Variants in NFYB observed in about 807,000 individuals in gnomAD.
NFYB encodes the protein CAAT box DNA-binding protein subunit B.
A neutral mutation model predicts 28.0 loss-of-function variants in NFYB; 13 were observed. That is an observed-to-expected ratio of 0.46 (90% CI 0.30 to 0.74). The LOEUF (loss-of-function observed/expected upper bound fraction) is 0.74. Ranked by LOEUF, NFYB falls within the 30% of genes least tolerant of loss-of-function variation. The pLI is 0.07. For synonymous variants in NFYB, 74 were observed against 75.0 expected (o/e 0.99, Z 0.07); for missense variants, 142 against 247.6 (o/e 0.57, Z 2.86).
At chr12:104,121,205 A>C in intron 6 of NFYB, 35 bp downstream of exon 6, 1 of 1,521,562 alleles carries the variant, frequency 6.6e-7, no homozygotes, top group Non-Finnish European at 9.1e-7. Flanking sequence ...ATCATTGCTA[A>C]CAATCTACAT....
intron 1 of NFYB, among the ~76,000 whole-genome samples, chr12:104,136,344 A>G (rs1344082976): frequency 6.6e-6 from 1 of 152,196 alleles, no homozygotes; most frequent in Admixed American, 6.5e-5. Context: ...TTTTAAAGGG[A>G]GAAGATATAC....
intron 6 of NFYB, 124 bp from the exon 7 acceptor site, chr12:104,120,603 A>T: frequency 1.5e-6 from 1 of 658,834 alleles, no homozygotes; most frequent in Non-Finnish European, 2.7e-6. Context: ...GTAGTCTTGG[A>T]CAAAATAATA....
intron 1 of NFYB, among the ~76,000 whole-genome samples, 166 bp from the exon 2 acceptor site, chr12:104,135,698 C>A (rs572819810): frequency 6.6e-6 from 1 of 152,142 alleles, no homozygotes; most frequent in East Asian, 1.9e-4. Flanking sequence ...TAAAAAGGCA[C>A]CCAATAAATG....
At chr12:104,127,649 C>A (rs2030769118) in intron 3 of NFYB, among the ~76,000 whole-genome samples, 1 of 143,314 alleles carries the variant, frequency 7.0e-6, no homozygotes, top group African/African-American at 2.6e-5. Flanking sequence ...TCTGATAGGC[C>A]AACATAACAC....
intron 1 of NFYB, 134 bp from the exon 2 acceptor site, chr12:104,135,666 G>C (rs772856047): frequency 2.5e-6 from 1 of 407,430 alleles, no homozygotes; most frequent in African/African-American, 2.1e-5. Flanking sequence ...TTAATCAATG[G>C]AGTACATGGT....
At chr12:104,123,501 T>C (rs1208974046) in intron 4 of NFYB, 78 bp from the exon 5 acceptor site, 1 of 1,103,852 alleles carries the variant, frequency 9.1e-7, no homozygotes, top group Non-Finnish European at 1.3e-6. Context: ...GAAAGCCTAT[T>C]CAGAAGAACA....
In NFYB at chr12:104,119,613, GC is replaced by G. The variant is rs2030388936; in HGVS notation, c.*123del. On this transcript the variant is annotated 3_prime_UTR_variant, in exon 8 of 8. Coordinates refer to ENST00000240055, the MANE Select transcript of NFYB (RefSeq NM_006166.4). Reference sequence around the variant, plus strand: ...ACCTCAATTAGTCAAGCATCAGGAAGCTACATTACAGCTATTAATATACAAA... The same window carrying G: ...ACCTCAATTAGTCAAGCATCAGGAAGTACATTACAGCTATTAATATACAAA... The G allele has an allele frequency of 1.0e-5, 6 of 576,968 alleles. No individual in the cohort carries two copies. Among genetic ancestry groups the G allele is most frequent in the Non-Finnish European group, 1.8e-5 (6 of 328,104 alleles). 35.7% of individuals were successfully genotyped at this position (576,968 alleles called of 1,614,324 possible).
intron 1 of NFYB, among the ~76,000 whole-genome samples, chr12:104,135,804 A>T (rs760096950): frequency 6.6e-6 from 1 of 152,226 alleles, no homozygotes; most frequent in Non-Finnish European, 1.5e-5. Context: ...CCCTGAATTT[A>T]GCCATATTCA....
intron 4 of NFYB, among the ~76,000 whole-genome samples, chr12:104,123,697 T>A (rs1593627585): frequency 6.6e-6 from 1 of 152,300 alleles, no homozygotes; most frequent in Non-Finnish European, 1.5e-5. Context: ...GGGTGACTCA[T>A]GCCTGTAATC....
intron 5 of NFYB, among the ~76,000 whole-genome samples, chr12:104,122,708 G>T (rs61019176): frequency 6.6e-6 from 1 of 152,134 alleles, no homozygotes; most frequent in Non-Finnish European, 1.5e-5. Flanking sequence ...ACCCCAGAGC[G>T]TGGAAAAATT....
chr12:104,128,400 T>G, intron 3 of NFYB, 24 bp downstream of exon 3: 1 of 1,549,356 alleles, frequency 6.5e-7, no homozygotes, highest in Non-Finnish European at 8.9e-7. Context: ...CTTGAGAATT[T>G]GGTTCTAATT....
intron 3 of NFYB, 102 bp from the exon 4 acceptor site, chr12:104,126,346 C>G (rs1004670701): frequency 2.9e-5 from 25 of 852,096 alleles, no homozygotes; most frequent in Non-Finnish European, 3.9e-5. Flanking sequence ...TCTGGTTCAC[C>G]TCTTAACCAT....
chr12:104,123,127 G>A (rs1050625481), intron 5 of NFYB, 99 bp downstream of exon 5: 2 of 892,690 alleles, frequency 2.2e-6, no homozygotes, highest in Non-Finnish European at 3.4e-6. Flanking sequence ...AGTGAGCCGA[G>A]ATCTTGCCAC....
Position 104,118,262 on chromosome 12 carries a change from T to C in NFYB, c.*1475A>G, listed in dbSNP as rs1376807847. On this transcript the variant is annotated 3_prime_UTR_variant, in exon 8 of 8. Transcript: ENST00000240055. ...TCTTTCAACATAGTAGGATGACTGT[T>C]GATTTTGCTTAACTACTCCCCCATT... 1 of 152,354 alleles carries C rather than the reference T, an allele frequency of 6.6e-6. No individual in the cohort carries two copies. The highest frequency in any genetic ancestry group is 6.5e-5 in the Admixed American group (1 of 15,284). The allele number at this position is 152,354 out of a possible 1,614,324, so 9.4% of individuals were successfully genotyped here.
At chr12:104,127,662 C>CTT in intron 3 of NFYB, among the ~76,000 whole-genome samples, 1 of 111,838 alleles carries the variant, frequency 8.9e-6, no homozygotes, top group African/African-American at 3.5e-5. Flanking sequence ...CATAACACTG[C>CTT]CTTTTTTTTT....
chr12:104,123,182 A>T, intron 5 of NFYB, 44 bp downstream of exon 5: 1 of 1,502,540 alleles, frequency 6.7e-7, no homozygotes, highest in South Asian at 1.2e-5. Flanking sequence ...CCTCAAAAAA[A>T]AAAAGAAGAA....
At chr12:104,125,078 AG>A (rs2030631095) in intron 4 of NFYB, among the ~76,000 whole-genome samples, 1 of 152,336 alleles carries the variant, frequency 6.6e-6, no homozygotes, top group African/African-American at 2.4e-5. Flanking sequence ...AAACTACTTA[AG>A]AAAAAAAAAT....
intron 1 of NFYB, 97 bp from the exon 2 acceptor site, chr12:104,135,629 G>A (rs117408628): frequency 7.6e-4 from 353 of 464,260 alleles, no homozygotes; most frequent in Admixed American, 1.6e-3. Flanking sequence ...AAATTAAAGA[G>A]GGCTTGTATA....
intron 2 of NFYB, among the ~76,000 whole-genome samples, chr12:104,129,433 C>G (rs1186083656): frequency 6.6e-6 from 1 of 152,056 alleles, no homozygotes; most frequent in East Asian, 1.9e-4. Context: ...ATAGAAGTTC[C>G]AAAATAGACA....
Sources: allele counts gnomAD v4.1 joint callset (sites outside exome capture counted in the v4.1 genomes callset), GRCh38; gene constraint gnomAD v4.1.1; transcripts MANE v1.5; gene names NCBI Gene and HGNC (gene_info 2026-07-23, HGNC 2026-07-21).